GRK5: variants seen among roughly 807,000 people sequenced by gnomAD.
GRK5 encodes g protein-coupled receptor kinase GRK5.
GRK5 carries 40 observed loss-of-function variants against 78.4 expected under a neutral mutation model. The ratio of observed to expected loss-of-function variants is 0.51; its 90% CI spans 0.40 to 0.66. The LOEUF is 0.66. GRK5 is among the 30% of genes least tolerant of loss of function. The pLI, the probability that GRK5 is intolerant of heterozygous loss-of-function variation, is 0.00. For synonymous variants in GRK5, 289 were observed against 296.8 expected, an observed-to-expected ratio of 0.97 and a Z score of 0.27; for missense variants, 598 against 759.9, an observed-to-expected ratio of 0.79 and a Z score of 2.50.
At chr10:119,361,508 T>A (rs1851362255) in intron 2 of GRK5, among the ~76,000 whole-genome samples, 1 of 152,198 alleles carries the variant, frequency 6.6e-6, no homozygotes, top group Admixed American at 6.5e-5. Flanking sequence ...GGACTTGTGC[T>A]CCAATTCTAT....
rs947956451 is a variant in GRK5, at chr10:119,378,302, C to T, written c.149-2513C>T. Among the ~76,000 whole-genome samples the T allele has an allele frequency of 6.6e-6, 1 of 152,166 alleles. No homozygotes were observed. Among genetic ancestry groups the T allele is most frequent in the East Asian group, 1.9e-4 (1 of 5,198 alleles). On this transcript the variant is annotated intron_variant, in intron 2 of 15. Coordinates refer to ENST00000392870, the MANE Select transcript of GRK5 (RefSeq NM_005308.3). This position sits in a 1 kb window ranked among gnomAD's most constrained non-coding sequence, Gnocchi z 4.5. The stretch of plus-strand genomic sequence containing the variant: ...CTGGGAGCGGTGGAGACTGCGCCCA[C>T]GGCTGAAGGGCAGAGTTTAGGCTGC...
chr10:119,330,823 C>A (rs1268382540), intron 2 of GRK5, among the ~76,000 whole-genome samples: 2 of 152,168 alleles, frequency 1.3e-5, no homozygotes, highest in African/African-American at 2.4e-5. Context: ...GAGTTAGAGA[C>A]CAGCCTGGCC....
chr10:119,442,195 T>C (rs923193320), intron 11 of GRK5, 107 bp downstream of exon 11: 9 of 844,032 alleles, frequency 1.1e-5, no homozygotes, highest in Non-Finnish European at 1.8e-5. Context: ...CTTCATGCAC[T>C]GCTGATCACA....
rs201019846 is a variant in GRK5 at position 119,384,940 on chromosome 10, C to CT, written c.261+4014dup. Among the ~76,000 whole-genome samples the CT allele has an allele frequency of 4.1e-3, 621 of 152,264 alleles. 7 individuals are homozygous for CT. The highest frequency in any genetic ancestry group is 0.036 in the East Asian group (186 of 5,188). ...GGTTGGGAGTTTGGATATGGGGAGG[C>CT]TGGTTGTATCATGAAGTAGGATGGT... On this transcript the variant is annotated intron_variant, in intron 3 of 15. Coordinates refer to ENST00000392870, the MANE Select transcript of GRK5 (RefSeq NM_005308.3).
chr10:119,316,578 G>A (rs1026772551), intron 1 of GRK5, among the ~76,000 whole-genome samples: 4 of 152,162 alleles, frequency 2.6e-5, no homozygotes, highest in Non-Finnish European at 5.9e-5. Flanking sequence ...TGGATAATTC[G>A]CTAGACTCCC....
intron 1 of GRK5, among the ~76,000 whole-genome samples, chr10:119,231,720 A>G (rs1257748683): frequency 6.6e-6 from 1 of 151,822 alleles, no homozygotes; most frequent in Non-Finnish European, 1.5e-5. Flanking sequence ...AAAAAAAAAA[A>G]AAAGAAAAAA....
At chr10:119,235,611 A>G (rs1292952694) in intron 1 of GRK5, among the ~76,000 whole-genome samples, 2 of 152,216 alleles carry the variant, frequency 1.3e-5, no homozygotes, top group African/African-American at 4.8e-5. Context: ...GCTCAATAAC[A>G]AAAAGCATGA....
At chr10:119,373,031 G>C (rs1335147592) in intron 2 of GRK5, among the ~76,000 whole-genome samples, 1 of 152,226 alleles carries the variant, frequency 6.6e-6, no homozygotes, top group South Asian at 2.1e-4. Flanking sequence ...ATAGCAATTC[G>C]TTGTGGCTGT....
At chr10:119,283,717 C>A (rs1277038014) in intron 1 of GRK5, among the ~76,000 whole-genome samples, 1 of 152,210 alleles carries the variant, frequency 6.6e-6, no homozygotes, top group Admixed American at 6.5e-5. Flanking sequence ...TCAAGGGTCA[C>A]CCTGCAGATG....
chr10:119,313,215 GTGGTGACGGTAGTGA>G (rs1310853515), intron 1 of GRK5, among the ~76,000 whole-genome samples: 3 of 148,462 alleles, frequency 2.0e-5, no homozygotes, highest in Admixed American at 6.6e-5. Context: ...GGTAGTGGTG[GTGGTGACGGTAGTGA>G]TGATGGTGGT....
intron 1 of GRK5, among the ~76,000 whole-genome samples, chr10:119,304,653 G>A (rs566892048): frequency 6.6e-6 from 1 of 152,242 alleles, no homozygotes; most frequent in East Asian, 1.9e-4. Context: ...CCTGAGTCCC[G>A]ATTTAGGGAG....
At chr10:119,439,571 A>C (rs910544442) in intron 9 of GRK5, among the ~76,000 whole-genome samples, 160 bp from the exon 10 acceptor site, 5 of 152,264 alleles carry the variant, frequency 3.3e-5, no homozygotes, top group Non-Finnish European at 7.3e-5. Flanking sequence ...AATTAGCTGA[A>C]GATCATTTTG....
chr10:119,285,331 C>T (rs1253319207), intron 1 of GRK5, among the ~76,000 whole-genome samples: 1 of 152,128 alleles, frequency 6.6e-6, no homozygotes, highest in African/African-American at 2.4e-5. Flanking sequence ...GTCCTGAGTA[C>T]AGTGGGAGGG....
At chr10:119,277,494 A>G (rs1228547046) in intron 1 of GRK5, among the ~76,000 whole-genome samples, 1 of 152,028 alleles carries the variant, frequency 6.6e-6, no homozygotes, top group Non-Finnish European at 1.5e-5. Flanking sequence ...GCTCTCTGCG[A>G]CACCCCTGCC....
chr10:119,448,231 G>A lies in GRK5; in HGVS notation c.1375G>A (p.Gly459Arg). ...RNMNFKRLEAGMLDPPFVPDP... is the reference protein window; with the variant it reads ...RNMNFKRLEARMLDPPFVPDP... ...CATGAACTTCAAGCGCTTAGAAGCC[G>A]GGATGTTGGACCCTCCCTTCGTTCC... The change falls in exon 13 of 16, where the codon GGG (glycine) becomes AGG (arginine). Residue 459 changes from glycine (G) to arginine (R), a missense_variant. Coordinates refer to ENST00000392870, the MANE Select transcript of GRK5 (RefSeq NM_005308.3). The A allele has an allele frequency of 1.3e-6, 2 of 1,597,426 alleles. No individual in the cohort carries two copies. Among genetic ancestry groups the A allele is most frequent in the Non-Finnish European group, 1.7e-6 (2 of 1,172,878 alleles).
At chr10:119,340,780 A>AT (rs1207117538) in intron 2 of GRK5, among the ~76,000 whole-genome samples, 2 of 152,314 alleles carry the variant, frequency 1.3e-5, no homozygotes, top group East Asian at 3.9e-4. Context: ...CGTCTTTAAA[A>AT]TGGGGACTCA....
At chr10:119,362,489 CT>C (rs1851381856) in intron 2 of GRK5, among the ~76,000 whole-genome samples, 1 of 152,254 alleles carries the variant, frequency 6.6e-6, no homozygotes, top group African/African-American at 2.4e-5. Flanking sequence ...AGAGACCATT[CT>C]GTTGACTTCA....
chr10:119,449,664 C>A (rs189701757), intron 13 of GRK5, among the ~76,000 whole-genome samples: 1 of 152,316 alleles, frequency 6.6e-6, no homozygotes, highest in Admixed American at 6.5e-5. Context: ...GGGCACACAC[C>A]TATAATCCCA....
At chr10:119,232,520 C>T (rs1430144014) in intron 1 of GRK5, among the ~76,000 whole-genome samples, 1 of 152,144 alleles carries the variant, frequency 6.6e-6, no homozygotes, top group African/African-American at 2.4e-5. Context: ...CCACCCACAT[C>T]TCATCTTGAA....
Sources: gnomAD v4.1 joint callset for allele counts (sites outside exome capture counted in the v4.1 genomes callset) on GRCh38, gnomAD v4.1.1 for gene constraint, Gnocchi (gnomAD v3.1) non-coding constraint, MANE v1.5 for transcripts, NCBI Gene and HGNC (gene_info 2026-07-23, HGNC 2026-07-21) for gene names.